Variants in RTTN observed in about 807,000 individuals in gnomAD.
RTTN encodes the protein rotatin.
RTTN carries 182 observed loss-of-function variants against 269.2 expected under a neutral mutation model. The ratio of observed to expected loss-of-function variants is 0.68; its 90% CI spans 0.60 to 0.76. The LOEUF is 0.76. RTTN is among the 30% of genes least tolerant of loss of function. The pLI is 0.00. For missense variants in RTTN, 2,545 were observed against 2,608.6 expected (o/e 0.98, Z 0.53); for synonymous variants, 1,006 against 963.5 (o/e 1.04, Z -0.82).
chr18:70,094,645 G>A (rs145773894), intron 28 of RTTN, among the ~76,000 whole-genome samples: 2 of 152,284 alleles, frequency 1.3e-5, no homozygotes, highest in African/African-American at 4.8e-5. Flanking sequence ...TGTGGTCTGA[G>A]GGGCTGTTTG....
Position 70,167,036 on chromosome 18 carries a change from A to C in RTTN, c.1690-5T>G, listed in dbSNP as rs753803754. ...TTCTAAGAGATTCTTCTCTCCCTAC[A>C]AAAGAAGCAGAATGGAACAATAAAT... On this transcript the variant is annotated splice_region_variant and splice_polypyrimidine_tract_variant and intron_variant, in intron 12 of 48. Coordinates refer to ENST00000640769, the MANE Select transcript of RTTN (RefSeq NM_173630.4). 1 of 1,583,528 alleles carries C rather than the reference A, an allele frequency of 6.3e-7. No individual in the cohort carries two copies. The highest frequency in any genetic ancestry group is 8.7e-7 in the Non-Finnish European group (1 of 1,153,106).
chr18:70,040,758 G>T (rs577400272), intron 40 of RTTN, among the ~76,000 whole-genome samples: 1 of 152,110 alleles, frequency 6.6e-6, no homozygotes, highest in African/African-American at 2.4e-5. Flanking sequence ...TCAAGAAATT[G>T]AAATAATATC....
At chr18:70,009,948 T>G (rs1021378566) in intron 46 of RTTN, among the ~76,000 whole-genome samples, 2 of 151,746 alleles carry the variant, frequency 1.3e-5, no homozygotes, top group African/African-American at 4.8e-5. Flanking sequence ...TAGCCTCTGA[T>G]AAAAAAGACT....
intron 26 of RTTN, among the ~76,000 whole-genome samples, chr18:70,115,144 T>C (rs1421455396): frequency 1.3e-5 from 2 of 152,112 alleles, no homozygotes; most frequent in Admixed American, 6.5e-5. Context: ...TTTTATCTTA[T>C]GTATGAATTC....
intron 10 of RTTN, among the ~76,000 whole-genome samples, chr18:70,178,688 A>G (rs572281941): frequency 2.0e-5 from 3 of 152,220 alleles, no homozygotes; most frequent in East Asian, 3.9e-4. Flanking sequence ...TCATGGGATT[A>G]TAAGTAAAAA....
intron 2 of RTTN, among the ~76,000 whole-genome samples, chr18:70,204,625 T>A (rs2062031711): frequency 6.6e-6 from 1 of 152,212 alleles, no homozygotes; most frequent in Non-Finnish European, 1.5e-5. Flanking sequence ...CCTCTACCAT[T>A]GTACAGTGAT....
At chr18:70,150,294 T>C in intron 15 of RTTN, 1 of 568,002 alleles carries the variant, frequency 1.8e-6, no homozygotes, top group Non-Finnish European at 3.1e-6. Context: ...AATGTACATT[T>C]GTCCCTTGAG....
intron 21 of RTTN, chr18:70,138,635 T>C (rs2060181714): frequency 6.6e-6 from 1 of 152,106 alleles, no homozygotes; most frequent in Non-Finnish European, 1.5e-5. Context: ...TATACAATCT[T>C]ATAAAAACGT....
At chr18:70,036,545 G>A (rs1469959901) in intron 40 of RTTN, among the ~76,000 whole-genome samples, 4 of 152,158 alleles carry the variant, frequency 2.6e-5, no homozygotes, top group African/African-American at 9.7e-5. Flanking sequence ...GCCTACCAGT[G>A]GGTGAAGGGT....
intron 28 of RTTN, among the ~76,000 whole-genome samples, chr18:70,104,014 C>T (rs1395310688): frequency 6.6e-6 from 1 of 152,068 alleles, no homozygotes; most frequent in East Asian, 1.9e-4. Flanking sequence ...CTCTGTATTT[C>T]CTGAATTTGA....
At chr18:70,189,663 A>C (rs77997856) in intron 9 of RTTN, among the ~76,000 whole-genome samples, 2,290 of 152,324 alleles carry the variant, frequency 0.015, 22 homozygotes, top group Non-Finnish European at 0.023. Context: ...TTTCTAAACC[A>C]CTCAAAAACT....
At chr18:70,104,602 T>C (rs1236463657) in intron 28 of RTTN, among the ~76,000 whole-genome samples, 2 of 152,228 alleles carry the variant, frequency 1.3e-5, no homozygotes, top group Non-Finnish European at 2.9e-5. Flanking sequence ...GCTTTTCTGC[T>C]CTGTTTTTTC....
intron 28 of RTTN, among the ~76,000 whole-genome samples, chr18:70,094,671 T>G (rs1312861936): frequency 1.3e-5 from 2 of 152,186 alleles, no homozygotes; most frequent in East Asian, 3.9e-4. Context: ...ATTTCCATTC[T>G]TTTGAGTTTG....
intron 20 of RTTN, 190 bp downstream of exon 20, chr18:70,139,910 G>T: frequency 1.6e-6 from 1 of 613,216 alleles, no homozygotes. Context: ...CTATCTTATG[G>T]AAATTTTAGG....
At chr18:70,137,286 G>A (rs2060147836) in intron 21 of RTTN, among the ~76,000 whole-genome samples, 1 of 152,122 alleles carries the variant, frequency 6.6e-6, no homozygotes, top group Admixed American at 6.6e-5. Flanking sequence ...TGGCCAAGTT[G>A]CTAAATCTCT....
chr18:70,165,922 A>G (rs1418765586), intron 14 of RTTN, 140 bp downstream of exon 14: 2 of 691,602 alleles, frequency 2.9e-6, no homozygotes, highest in African/African-American at 1.8e-5. Context: ...TCCAGAATTG[A>G]CTAGTAATTA....
At position 70,127,352 on chromosome 18, in the gene RTTN, G is replaced by T. The variant is rs1337659678; in HGVS notation, c.3383+150C>A. ...TAACTAAATTAAAAATTTCTCTTTG[G>T]CTATTATTACAGATGATAAAAATCC... On this transcript the variant is annotated intron_variant, in intron 25 of 48. Transcript: ENST00000640769. 5 of 830,360 alleles carry T rather than the reference G, an allele frequency of 6.0e-6. No individual in the cohort carries two copies. The African/African-American group carries it at 6.8e-5, about 11-fold the overall frequency. 51.4% of individuals were successfully genotyped at this position (830,360 alleles called of 1,614,324 possible).
In RTTN at chr18:70,065,900, G is replaced by A; in HGVS notation, c.4676C>T (p.Thr1559Ile). 1 of 1,601,256 alleles carries A rather than the reference G, an allele frequency of 6.2e-7. No individual in the cohort carries two copies. Residue 1559 changes from threonine to isoleucine, a missense_variant, in exon 35 of 49, where the codon ACT (threonine) becomes ATT (isoleucine). Physicochemically the swap from Thr to Ile is moderately conservative, Grantham distance 89. Transcript: ENST00000640769. ...TGACTGCACAAGTGGCTGAAATTCA[G>A]TACTCCCCAATGAAGGTGCCACCTA... ...ETTVAPSLGS[T>I]EFQPLVQSTT...
chr18:70,196,885 C>T (rs757045045), intron 6 of RTTN, among the ~76,000 whole-genome samples: 9 of 152,168 alleles, frequency 5.9e-5, no homozygotes, highest in Non-Finnish European at 7.4e-5. Context: ...TTTCCTATTT[C>T]TAAAATCTGT....
Sources: gnomAD v4.1 joint callset for allele counts (sites outside exome capture counted in the v4.1 genomes callset) on GRCh38, gnomAD v4.1.1 for gene constraint, MANE v1.5 for transcripts, NCBI Gene and HGNC (gene_info 2026-07-23, HGNC 2026-07-21) for gene names.